HR: variants seen among roughly 807,000 people sequenced by gnomAD.
HR encodes lysine-specific demethylase hairless.
In HR, 83 loss-of-function variants were observed where a neutral mutation model predicts 128.6. The observed-to-expected ratio is 0.65, with a 90% CI of 0.54 to 0.77. The LOEUF (loss-of-function observed/expected upper bound fraction) is 0.77. HR is among the 30% of genes least tolerant of loss of function. The pLI is 0.00. For synonymous variants in HR, 681 were observed against 658.2 expected, an observed-to-expected ratio of 1.03 and a Z score of -0.53; for missense variants, 1,490 against 1,574.6, an observed-to-expected ratio of 0.95 and a Z score of 0.91.
At chr8:22,120,070 G>T in intron 13 of HR, 34 bp downstream of exon 13, 1 of 1,571,418 alleles carries the variant, frequency 6.4e-7, no homozygotes, top group Admixed American at 1.9e-5. Flanking sequence ...TGCGGTGGCG[G>T]GGAGGTAGGG....
chr8:22,116,522 AC>A lies in HR; in HGVS notation c.3379-95del, dbSNP rs943167133. 6 of 1,346,120 alleles carry A rather than the reference AC, an allele frequency of 4.5e-6. No homozygotes were observed. The highest frequency in any genetic ancestry group is 6.0e-6 in the Non-Finnish European group (6 of 1,004,132). The allele number at this position is 1,346,120 out of a possible 1,614,324, so 83.4% of individuals were successfully genotyped here. ...AGGTTCGCTTCCTCTAATGACAACC[AC>A]CCCCGACCCCTGGCTCTCAGAGAGC... is the stretch of plus-strand genomic sequence containing the variant. On this transcript the variant is annotated intron_variant, in intron 17 of 18. Transcript: ENST00000381418. The surrounding 1 kb of genome is among the most constrained non-coding windows in gnomAD (Gnocchi z 4.2).
chr8:22,122,781 AT>A lies in HR; in HGVS notation c.2005+8del, dbSNP rs1826788244. The A allele has an allele frequency of 6.4e-7, 1 of 1,551,044 alleles. No homozygotes were observed. Among genetic ancestry groups the A allele is most frequent in the African/African-American group, 1.4e-5 (1 of 73,028 alleles). ...CCTCTGCACGCCCCACCCCTCCAAGATGGCTCACCCTGGCTGGAGACAAACT... is the reference window on the plus strand; with the variant it reads ...CCTCTGCACGCCCCACCCCTCCAAGAGGCTCACCCTGGCTGGAGACAAACT... On this transcript the variant is annotated splice_region_variant and intron_variant, in intron 7 of 18. Transcript: ENST00000381418.
At position 22,127,454 on chromosome 8, in the gene HR, A is replaced by T; in HGVS notation, c.988T>A (p.Tyr330Asn). ...AGACCCCCACCTTTAGTGGGTGGGTAGGATGAACAGCAGCCCCGCTGGGTG... is the reference window on the plus strand; with the variant it reads ...AGACCCCCACCTTTAGTGGGTGGGTTGGATGAACAGCAGCCCCGCTGGGTG... ...PVTQRGCCSS[Y>N]PPTKGGGLGP... The change falls in exon 3 of 19, where the codon TAC (tyrosine) becomes AAC (asparagine). Residue 330 changes from tyrosine (Y) to asparagine (N), a missense_variant. Coordinates refer to ENST00000381418, the MANE Select transcript of HR (RefSeq NM_005144.5). 1.9e-6 allele frequency: 3 copies of T among 1,611,096 alleles called. No homozygotes were observed. The highest frequency in any genetic ancestry group is 2.5e-6 in the Non-Finnish European group (3 of 1,178,158).
chr8:22,123,616 A>AGGGGGGGGCCCC, intron 6 of HR, 33 bp downstream of exon 6: 6 of 562,346 alleles, frequency 1.1e-5, no homozygotes, highest in Non-Finnish European at 1.8e-5. Flanking sequence ...TGAGGGCTCC[A>AGGGGGGGGCCCC]TCCCGCCCTC....
In HR at chr8:22,130,703, C is replaced by A. The variant is rs1241762942; in HGVS notation, c.-316G>T. The A allele has an allele frequency of 6.6e-6, 1 of 152,324 alleles. No individual in the cohort carries two copies. The highest frequency in any genetic ancestry group is 1.5e-5 in the Non-Finnish European group (1 of 68,126). The allele number at this position is 152,324 out of a possible 1,614,324, so 9.4% of individuals were successfully genotyped here. On this transcript the variant is annotated 5_prime_UTR_variant, in exon 1 of 19. Coordinates refer to ENST00000381418, the MANE Select transcript of HR (RefSeq NM_005144.5). ...GCTTCTGGGCCGAGGCCGTAGGTTG[C>A]GCCATGGGACGCCGAGACTCCGTGC...
Position 22,125,456 on chromosome 8 carries a change from G to C in HR, c.1605C>G (p.Asn535Lys), listed in dbSNP as rs751114162. 6.2e-7 allele frequency: 1 copy of C among 1,613,408 alleles called. No homozygotes were observed. Among genetic ancestry groups the C allele is most frequent in the South Asian group, 1.1e-5 (1 of 91,028 alleles). ...ELQQEEDTAT[N>K]SSSEEGPGSG... ...ACCCTGGGCCTTCCTCAGAGCTGGA[G>C]TTGGTGGCTGTGTCTTCCTCCTGCT... is the stretch of plus-strand genomic sequence containing the variant. Residue 535 changes from asparagine (N) to lysine (K), a missense_variant, in exon 5 of 19, where the codon AAC (asparagine) becomes AAG (lysine). Transcript: ENST00000381418.
intron 6 of HR, 46 bp from the exon 7 acceptor site, chr8:22,122,925 A>C (rs1367215597): frequency 1.3e-6 from 2 of 1,525,204 alleles, no homozygotes; most frequent in African/African-American, 2.8e-5. Context: ...AATCAAGGTA[A>C]TCACAGGTTA....
intron 16 of HR, chr8:22,118,648 CG>C: frequency 2.2e-6 from 1 of 457,090 alleles, no homozygotes; most frequent in Non-Finnish European, 4.0e-6. Context: ...GGGGCTGAGA[CG>C]GGTAACAGAT....
At chr8:22,122,736 T>TG in intron 7 of HR, 54 bp downstream of exon 7, 1 of 1,515,534 alleles carries the variant, frequency 6.6e-7, no homozygotes. Flanking sequence ...GACGGGAAGC[T>TG]GGTCTCCCTC....
At chr8:22,125,096 A>C (rs1826850262) in intron 5 of HR, among the ~76,000 whole-genome samples, 1 of 152,184 alleles carries the variant, frequency 6.6e-6, no homozygotes, top group South Asian at 2.1e-4. Flanking sequence ...CCTTGCAGAT[A>C]CTTGGCACTC....
Position 22,118,855 on chromosome 8 carries a change from G to A in HR, c.3213+95C>T, listed in dbSNP as rs1586371008. The A allele has an allele frequency of 5.6e-6, 6 of 1,070,794 alleles. No individual in the cohort carries two copies. The East Asian group carries it at 1.4e-4, about 26-fold the overall frequency. 66.3% of individuals were successfully genotyped at this position (1,070,794 alleles called of 1,614,324 possible). The stretch of plus-strand genomic sequence containing the variant: ...GCAGCTCACCTGAGGGCGTGGGGCA[G>A]GGAGCGAGCACATGGGACCGCACAC... On this transcript the variant is annotated intron_variant, in intron 16 of 18. Transcript: ENST00000381418.
At position 22,123,280 on chromosome 8, in the gene HR, C is replaced by T. The variant is rs1474372976; in HGVS notation, c.1915+369G>A. On this transcript the variant is annotated intron_variant, in intron 6 of 18. Transcript: ENST00000381418. ...ACCTGAGTCTAAGTCCTGGCTGCAA[C>T]ACGTTACTAACTGTGTGACCTTGGA... 2.0e-5 allele frequency among the ~76,000 whole-genome samples: 3 copies of T among 152,224 alleles called. No homozygotes were observed. In the East Asian group the frequency reaches 5.8e-4, roughly 29 times the overall value.
At chr8:22,125,087 C>T (rs1433219302) in intron 5 of HR, among the ~76,000 whole-genome samples, 3 of 152,250 alleles carry the variant, frequency 2.0e-5, no homozygotes. Flanking sequence ...CTCCCAGTGC[C>T]TTGCAGATAC....
chr8:22,126,003 T>C (rs1051387175), intron 3 of HR, among the ~76,000 whole-genome samples: 1 of 152,208 alleles, frequency 6.6e-6, no homozygotes, highest in Non-Finnish European at 1.5e-5. Flanking sequence ...TTTGGGCAGC[T>C]GGGGCGATCG....
intron 8 of HR, 112 bp from the exon 9 acceptor site, chr8:22,121,806 G>A (rs572269700): frequency 1.7e-5 from 19 of 1,094,330 alleles, no homozygotes; most frequent in South Asian, 4.0e-5. Flanking sequence ...TCCTAAAATC[G>A]TGTTTATAGG....
chr8:22,129,608 T>G (rs1295914373), intron 1 of HR, among the ~76,000 whole-genome samples: 1 of 152,266 alleles, frequency 6.6e-6, no homozygotes, highest in Non-Finnish European at 1.5e-5. Flanking sequence ...GCAAATCATG[T>G]CACTCCTCTG....
In HR at chr8:22,115,409, G is replaced by A. The variant is rs1244309810; in HGVS notation, c.*291C>T. ...GGCTGTTTGTCTCCTGGGTCTCGGA[G>A]GAGTGGGGATTGGAGGAAGTCAATT... On this transcript the variant is annotated 3_prime_UTR_variant, in exon 19 of 19. Transcript: ENST00000381418. 10 of 553,008 alleles carry A rather than the reference G, an allele frequency of 1.8e-5. No individual in the cohort carries two copies. Among genetic ancestry groups the A allele is most frequent in the Non-Finnish European group, 2.9e-5 (9 of 306,046 alleles). The allele number at this position is 553,008 out of a possible 1,614,324, so 34.3% of individuals were successfully genotyped here.
intron 6 of HR, 21 bp downstream of exon 6, chr8:22,123,628 C>T: frequency 1.6e-6 from 2 of 1,232,174 alleles, no homozygotes; most frequent in Admixed American, 2.3e-5. Context: ...CCCGCCCTCC[C>T]ACCCCCAGCC....
chr8:22,123,617 T>TGGGGGGGGCCC, intron 6 of HR, 32 bp downstream of exon 6: 23 of 292,078 alleles, frequency 7.9e-5, no homozygotes, highest in Non-Finnish European at 1.2e-4. Flanking sequence ...GAGGGCTCCA[T>TGGGGGGGGCCC]CCCGCCCTCC....
Sources: allele counts gnomAD v4.1 joint callset (sites outside exome capture counted in the v4.1 genomes callset), GRCh38; gene constraint gnomAD v4.1.1; non-coding constraint Gnocchi (gnomAD v3.1); transcripts MANE v1.5; gene names NCBI Gene and HGNC (gene_info 2026-07-23, HGNC 2026-07-21).